The following FOXP2 variants were observed in gnomAD, a reference collection of about 807,000 sequenced individuals.
FOXP2 encodes forkhead box P2.
A neutral mutation model predicts 115.8 loss-of-function variants in FOXP2; 12 were observed. The ratio of observed to expected loss-of-function variants is 0.10; its 90% CI spans 0.07 to 0.17. FOXP2 has a LOEUF of 0.17. Among genes scored for constraint, FOXP2 ranks in the 10% least tolerant of loss-of-function variants. The pLI is 1.00. For missense variants in FOXP2, 629 were observed against 843.5 expected, an observed-to-expected ratio of 0.75 and a Z score of 3.15; for synonymous variants, 328 against 297.7, an observed-to-expected ratio of 1.10 and a Z score of -1.05.
At chr7:114,371,723 C>A (rs982595941) in intron 2 of FOXP2, among the ~76,000 whole-genome samples, 18 of 152,086 alleles carry the variant, frequency 1.2e-4, no homozygotes, top group South Asian at 6.2e-4. Flanking sequence ...TTTCTAACTG[C>A]CCCCAGTGTC....
At chr7:114,110,016 C>G (rs1260407509) in intron 1 of FOXP2, among the ~76,000 whole-genome samples, 1 of 152,140 alleles carries the variant, frequency 6.6e-6, no homozygotes, top group Non-Finnish European at 1.5e-5. Flanking sequence ...CAAAAAAAGT[C>G]TTCTGTGCAT....
intron 3 of FOXP2, among the ~76,000 whole-genome samples, chr7:114,543,852 A>C (rs983896143): frequency 8.5e-5 from 13 of 152,232 alleles, no homozygotes; most frequent in African/African-American, 1.4e-4. Flanking sequence ...AAAGTGAACA[A>C]ACAAGTATCC....
At position 114,408,493 on chromosome 7, in the gene FOXP2, G is replaced by A. The variant is rs201969554; in HGVS notation, c.-10-18009G>A. 2.6e-4 allele frequency among the ~76,000 whole-genome samples: 39 copies of A among 152,202 alleles called. No homozygotes were observed. In the East Asian group the frequency reaches 4.7e-3, roughly 18 times the overall value. ...TGTAATTCCAATACTTTGGGAGGCC[G>A]AGGTGGGTGGATCATTTGAGGTCAG... On this transcript the variant is annotated intron_variant, in intron 2 of 17. Transcript: ENST00000634411.
chr7:114,288,250 C>T (rs750657381), intron 2 of FOXP2: 3 of 374,426 alleles, frequency 8.0e-6, no homozygotes, highest in African/African-American at 2.1e-5. Context: ...ACAATTGAGA[C>T]ATGTTAAGTG....
upstream of FOXP2, among the ~76,000 whole-genome samples, chr7:114,087,015 C>G (rs1799434453): frequency 6.6e-6 from 1 of 152,142 alleles, no homozygotes; most frequent in Non-Finnish European, 1.5e-5. Flanking sequence ...TTACTCTCTT[C>G]TTTTTAATTG....
At chr7:114,682,763 A>T (rs1325859384) in intron 16 of FOXP2, among the ~76,000 whole-genome samples, 1 of 152,162 alleles carries the variant, frequency 6.6e-6, no homozygotes, top group Non-Finnish European at 1.5e-5. Flanking sequence ...ATTTCTTTTG[A>T]GTTGGCATAT....
chr7:114,331,319 C>T (rs1480364959), intron 2 of FOXP2, among the ~76,000 whole-genome samples: 1 of 152,086 alleles, frequency 6.6e-6, no homozygotes, highest in African/African-American at 2.4e-5. Context: ...ACAAAAGTCT[C>T]AGGTTAATGT....
At chr7:114,088,022 G>C (rs1240648188) in intron 1 of FOXP2, 1 of 152,166 alleles carries the variant, frequency 6.6e-6, no homozygotes, top group East Asian at 1.9e-4. Context: ...AATCCCCAAA[G>C]ACCTAGACCC....
At chr7:114,380,671 A>G (rs1277619789) in intron 2 of FOXP2, among the ~76,000 whole-genome samples, 1 of 152,228 alleles carries the variant, frequency 6.6e-6, no homozygotes, top group African/African-American at 2.4e-5. Context: ...AAAGCCTGAT[A>G]TTTAAGTAAA....
At chr7:114,311,252 T>C (rs919280249) in intron 2 of FOXP2, among the ~76,000 whole-genome samples, 1 of 152,138 alleles carries the variant, frequency 6.6e-6, no homozygotes, top group African/African-American at 2.4e-5. Context: ...GACTGACCTG[T>C]TGTAACATTT....
intron 2 of FOXP2, among the ~76,000 whole-genome samples, chr7:114,528,191 A>G (rs993697101): frequency 5.1e-4 from 77 of 152,122 alleles, no homozygotes; most frequent in African/African-American, 1.8e-3. Context: ...TCTTTTCACT[A>G]TATATAATCT....
intron 3 of FOXP2, among the ~76,000 whole-genome samples, chr7:114,563,051 T>A (rs1800829848): frequency 2.0e-5 from 3 of 152,112 alleles, no homozygotes. Flanking sequence ...AGAGAGCATG[T>A]GCAGGGACAC....
chr7:114,567,377 C>G (rs1204679406), intron 3 of FOXP2, among the ~76,000 whole-genome samples: 1 of 152,026 alleles, frequency 6.6e-6, no homozygotes, highest in Non-Finnish European at 1.5e-5. Context: ...GTATTTTGCT[C>G]AAGGTCACAC....
Position 114,188,384 on chromosome 7 carries a change from G to A in FOXP2, c.-102+25296G>A, listed in dbSNP as rs76736928. Among the ~76,000 whole-genome samples, 1,452 of 152,072 alleles carry A rather than the reference G, an allele frequency of 9.5e-3. 30 individuals are homozygous for A. The highest frequency in any genetic ancestry group is 0.032 in the African/African-American group (1,312 of 41,480). On this transcript the variant is annotated intron_variant, in intron 1 of 17. Coordinates refer to the FOXP2 transcript ENST00000634411. ...GGTTTTGCAATCCTCTTTGCTTCAG[G>A]GCATGTGCTCTTGTCACTGTTGGGA...
chr7:114,191,198 T>C (rs1048952179), intron 1 of FOXP2, among the ~76,000 whole-genome samples: 2 of 152,196 alleles, frequency 1.3e-5, no homozygotes, highest in Non-Finnish European at 2.9e-5. Flanking sequence ...TAGCTGTCAT[T>C]TTTTATAGTT....
intron 3 of FOXP2, among the ~76,000 whole-genome samples, chr7:114,559,338 A>T (rs778920612): frequency 5.3e-5 from 8 of 152,100 alleles, no homozygotes; most frequent in Non-Finnish European, 1.0e-4. Context: ...CAGCCATGTC[A>T]TCTGCCCTTT....
intron 6 of FOXP2, among the ~76,000 whole-genome samples, chr7:114,641,576 AT>A: frequency 6.6e-6 from 1 of 152,124 alleles, no homozygotes; most frequent in Middle Eastern, 3.4e-3. Context: ...TGAACAGATA[AT>A]TGTCAAATCT....
In FOXP2 at chr7:114,403,884, C is replaced by T. The variant is rs567399375; in HGVS notation, c.-10-22618C>T. Among the ~76,000 whole-genome samples, 15 of 152,194 alleles carry T rather than the reference C, an allele frequency of 9.9e-5. No homozygotes were observed. The East Asian group carries it at 2.5e-3, about 25-fold the overall frequency. On this transcript the variant is annotated intron_variant, in intron 2 of 17. Transcript: ENST00000634411. ...ATTTGAAGTTTGCAGGGCAATTCCCCGGGGACCAAAATACCTCATACCTCT... is the reference window on the plus strand; with the variant it reads ...ATTTGAAGTTTGCAGGGCAATTCCCTGGGGACCAAAATACCTCATACCTCT...
chr7:114,200,753 A>G (rs1794038976), intron 1 of FOXP2, among the ~76,000 whole-genome samples: 1 of 152,130 alleles, frequency 6.6e-6, no homozygotes, highest in Non-Finnish European at 1.5e-5. Flanking sequence ...ATTTCCTTCA[A>G]TTTGTTCATG....
Sources: gnomAD v4.1 joint callset for allele counts (sites outside exome capture counted in the v4.1 genomes callset) on GRCh38, gnomAD v4.1.1 for gene constraint, MANE v1.5 for transcripts, NCBI Gene and HGNC (gene_info 2026-07-23, HGNC 2026-07-21) for gene names.